PIP5K1B: variants seen among roughly 807,000 people sequenced by gnomAD.
The protein encoded by PIP5K1B is phosphatidylinositol-4-phosphate 5-kinase type 1 beta.
PIP5K1B carries 42 observed loss-of-function variants against 67.0 expected under a neutral mutation model. That is an observed-to-expected ratio of 0.63 (90% confidence interval 0.49 to 0.81). The LOEUF is 0.81. PIP5K1B is among the 30% of genes least tolerant of loss of function. PIP5K1B has a pLI of 0.00. For missense variants in PIP5K1B, 459 were observed against 646.3 expected (o/e 0.71, Z 3.14); for synonymous variants, 214 against 231.4 (o/e 0.92, Z 0.68).
chr9:68,922,890 T>C (rs903965357), intron 11 of PIP5K1B, among the ~76,000 whole-genome samples: 1 of 152,240 alleles, frequency 6.6e-6, no homozygotes, highest in African/African-American at 2.4e-5. Context: ...GATAGTTTTG[T>C]TTATGTCTCC....
intron 2 of PIP5K1B, among the ~76,000 whole-genome samples, chr9:68,805,312 C>T (rs1267451344): frequency 6.6e-6 from 1 of 152,134 alleles, no homozygotes; most frequent in East Asian, 1.9e-4. Context: ...TTTGCAAGGC[C>T]TCGAATACCT....
At chr9:68,913,205 CT>C (rs1186389182) in intron 8 of PIP5K1B, among the ~76,000 whole-genome samples, 2 of 152,158 alleles carry the variant, frequency 1.3e-5, no homozygotes, top group Non-Finnish European at 2.9e-5. Flanking sequence ...TTCCTGTTTC[CT>C]TTTTTTACAA....
At chr9:68,863,800 G>T in intron 4 of PIP5K1B, 37 bp from the exon 5 acceptor site, 1 of 1,603,556 alleles carries the variant, frequency 6.2e-7, no homozygotes, top group Non-Finnish European at 8.5e-7. Context: ...GGCCCTGACT[G>T]TTAAGACTAA....
intron 1 of PIP5K1B, among the ~76,000 whole-genome samples, chr9:68,710,808 G>T (rs1827352992): frequency 1.3e-5 from 2 of 152,224 alleles, no homozygotes; most frequent in South Asian, 4.1e-4. Flanking sequence ...AATAAACAAT[G>T]AATATGTAAC....
At chr9:68,923,196 T>C in intron 11 of PIP5K1B, 106 bp from the exon 12 acceptor site, 1 of 732,264 alleles carries the variant, frequency 1.4e-6, no homozygotes, top group Admixed American at 2.4e-5. Context: ...GGGCCACCTT[T>C]GGTTAAGAAT....
chr9:68,711,538 A>G (rs1225199388), intron 1 of PIP5K1B, among the ~76,000 whole-genome samples: 1 of 152,248 alleles, frequency 6.6e-6, no homozygotes, highest in Non-Finnish European at 1.5e-5. Context: ...AACAATTTAT[A>G]TATCCAAATG....
intron 1 of PIP5K1B, among the ~76,000 whole-genome samples, chr9:68,706,859 T>C (rs1186603288): frequency 6.6e-6 from 1 of 152,202 alleles, no homozygotes; most frequent in Non-Finnish European, 1.5e-5. Context: ...ACTTCTCCCC[T>C]GTTCTGCGAA....
intron 12 of PIP5K1B, among the ~76,000 whole-genome samples, chr9:68,925,954 C>A (rs577281717): frequency 6.0e-4 from 91 of 151,846 alleles, no homozygotes; most frequent in African/African-American, 2.0e-3. Flanking sequence ...TGCATCACCA[C>A]ACCCAGCTGG....
intron 2 of PIP5K1B, chr9:68,782,324 A>G (rs1001186345): frequency 4.8e-5 from 8 of 167,242 alleles, no homozygotes; most frequent in Middle Eastern, 6.8e-3. Context: ...GTAAATCATT[A>G]TTTAACTTAG....
At chr9:68,859,469 C>A (rs1306283681) in intron 4 of PIP5K1B, among the ~76,000 whole-genome samples, 1 of 152,214 alleles carries the variant, frequency 6.6e-6, no homozygotes, top group African/African-American at 2.4e-5. Context: ...AAAATAGACT[C>A]TGTTTGCTGT....
chr9:68,710,272 A>G (rs2132234119), intron 1 of PIP5K1B, among the ~76,000 whole-genome samples: 1 of 152,286 alleles, frequency 6.6e-6, no homozygotes, highest in South Asian at 2.1e-4. Context: ...TACATTATGT[A>G]GCTCTACTGT....
chr9:68,820,997 G>T (rs1004707635), intron 3 of PIP5K1B, among the ~76,000 whole-genome samples: 1 of 152,250 alleles, frequency 6.6e-6, no homozygotes, highest in South Asian at 2.1e-4. Flanking sequence ...GACACGGTAA[G>T]CTGGGCACAG....
chr9:68,720,554 C>G (rs930275093), intron 1 of PIP5K1B, among the ~76,000 whole-genome samples: 2 of 152,046 alleles, frequency 1.3e-5, no homozygotes, highest in Non-Finnish European at 2.9e-5. Flanking sequence ...TTACTTTGGT[C>G]ATCTCTGTCT....
intron 15 of PIP5K1B, among the ~76,000 whole-genome samples, chr9:68,993,886 T>G (rs1830488310): frequency 6.6e-6 from 1 of 152,156 alleles, no homozygotes; most frequent in Middle Eastern, 3.2e-3. Context: ...AGGAGCACCC[T>G]GTTGTTGTTA....
At chr9:68,892,244 A>G (rs111436351) in intron 7 of PIP5K1B, among the ~76,000 whole-genome samples, 343 of 152,334 alleles carry the variant, frequency 2.3e-3, no homozygotes, top group Middle Eastern at 0.014. Flanking sequence ...AATTTCTTTG[A>G]AAGTGAGAGC....
At chr9:68,733,828 C>T (rs1417225680) in intron 1 of PIP5K1B, among the ~76,000 whole-genome samples, 2 of 151,780 alleles carry the variant, frequency 1.3e-5, no homozygotes, top group African/African-American at 4.8e-5. Flanking sequence ...TTAGTTGAGA[C>T]GGGGTTTCAC....
At chr9:68,937,700 G>T (rs755164367) in intron 13 of PIP5K1B, among the ~76,000 whole-genome samples, 1 of 152,082 alleles carries the variant, frequency 6.6e-6, no homozygotes, top group Non-Finnish European at 1.5e-5. Flanking sequence ...TGATGTTATG[G>T]TGTCAATTTC....
At chr9:68,847,020 G>A (rs1216314458) in intron 4 of PIP5K1B, among the ~76,000 whole-genome samples, 2 of 152,148 alleles carry the variant, frequency 1.3e-5, no homozygotes, top group Non-Finnish European at 2.9e-5. Flanking sequence ...ACCCCAATAA[G>A]AAGCTTCATT....
chr9:68,908,336 AAT>A (rs142638844), intron 8 of PIP5K1B, among the ~76,000 whole-genome samples: 117 of 148,398 alleles, frequency 7.9e-4, no homozygotes, highest in Non-Finnish European at 6.7e-4. Context: ...GAAGCTGGTG[AAT>A]ATATATATAT....
Sources: allele counts gnomAD v4.1 joint callset (sites outside exome capture counted in the v4.1 genomes callset), GRCh38; gene constraint gnomAD v4.1.1; transcripts MANE v1.5; gene names NCBI Gene and HGNC (gene_info 2026-07-23, HGNC 2026-07-21).